The following RAB43 variants were observed in gnomAD, a reference collection of about 807,000 sequenced individuals.
RAB43 encodes the protein RAB43, member RAS oncogene family, also known as ras-related protein Rab-43.
RAB43 carries 6 observed loss-of-function variants against 18.8 expected under a neutral mutation model. The observed-to-expected ratio is 0.32, with a 90% CI of 0.17 to 0.63. RAB43 has a LOEUF of 0.63. Ranked by LOEUF, RAB43 falls within the 30% of genes least tolerant of loss-of-function variation. The pLI is 0.79. For missense variants in RAB43, 195 were observed against 289.1 expected, an observed-to-expected ratio of 0.67 and a Z score of 2.36; for synonymous variants, 103 against 124.1, an observed-to-expected ratio of 0.83 and a Z score of 1.13.
chr3:129,098,926 A>AC (rs1934233917), intron 1 of RAB43, among the ~76,000 whole-genome samples: 3 of 151,964 alleles, frequency 2.0e-5, no homozygotes, highest in African/African-American at 7.2e-5. Flanking sequence ...TACAAAAATT[A>AC]GCCAGGCATC....
intron 1 of RAB43, among the ~76,000 whole-genome samples, chr3:129,100,290 T>C (rs1934336552): frequency 6.6e-6 from 1 of 152,150 alleles, no homozygotes; most frequent in Non-Finnish European, 1.5e-5. Context: ...TTTTCCCTCA[T>C]AAGACAGGGT....
chr3:129,098,069 CAG>C (rs1934171451), intron 1 of RAB43, among the ~76,000 whole-genome samples: 1 of 152,144 alleles, frequency 6.6e-6, no homozygotes, highest in Non-Finnish European at 1.5e-5. Flanking sequence ...AGCTCTTGAC[CAG>C]AGAGTGCCCC....
chr3:129,110,437 C>T (rs1935084626), intron 1 of RAB43, among the ~76,000 whole-genome samples: 1 of 152,130 alleles, frequency 6.6e-6, no homozygotes, highest in Admixed American at 6.6e-5. Context: ...CGCTGAGTGC[C>T]TGAGGGTGGA....
intron 1 of RAB43, among the ~76,000 whole-genome samples, chr3:129,102,752 G>C (rs1431232586): frequency 6.6e-6 from 1 of 152,112 alleles, no homozygotes; most frequent in Non-Finnish European, 1.5e-5. Flanking sequence ...CAAAAGAGGA[G>C]GCGGAAGCCA....
Position 129,095,240 on chromosome 3 carries a change from C to T in RAB43, c.205-71G>A. 5 of 1,546,174 alleles carry T rather than the reference C, an allele frequency of 3.2e-6. No individual in the cohort carries two copies. Among genetic ancestry groups the T allele is most frequent in the Non-Finnish European group, 4.4e-6 (5 of 1,143,732 alleles). The stretch of plus-strand genomic sequence containing the variant: ...CATGGGGACAGGCAGAGTGACCCCA[C>T]AGACCCACACCCAGAGCTGTGGTTC... On this transcript the variant is annotated intron_variant, in intron 1 of 2. Coordinates refer to ENST00000315150, the MANE Select transcript of RAB43 (RefSeq NM_198490.3). This position sits in a 1 kb window ranked among gnomAD's most constrained non-coding sequence, Gnocchi z 4.2.
intron 1 of RAB43, among the ~76,000 whole-genome samples, chr3:129,109,728 A>G (rs966350383): frequency 6.6e-6 from 1 of 151,442 alleles, no homozygotes; most frequent in African/African-American, 2.4e-5. Context: ...GGCGACAGTG[A>G]GAGACTCCAT....
Position 129,095,646 on chromosome 3 carries a change from CA to C in RAB43, c.205-478del, listed in dbSNP as rs1278931482. ...GCATTAGGGTTCCCTCAGGACTCTACAGCTTGGTGATGAGGACTGTGGGAAG... is the reference window on the plus strand; with the variant it reads ...GCATTAGGGTTCCCTCAGGACTCTACGCTTGGTGATGAGGACTGTGGGAAG... On this transcript the variant is annotated intron_variant, in intron 1 of 2. Coordinates refer to ENST00000315150, the MANE Select transcript of RAB43 (RefSeq NM_198490.3). This position sits in a 1 kb window ranked among gnomAD's most constrained non-coding sequence, Gnocchi z 4.2. 6.6e-6 allele frequency among the ~76,000 whole-genome samples: 1 copy of C among 152,204 alleles called. No homozygotes were observed. Among genetic ancestry groups the C allele is most frequent in the African/African-American group, 2.4e-5 (1 of 41,466 alleles).
intron 1 of RAB43, among the ~76,000 whole-genome samples, chr3:129,098,607 T>G (rs1934205913): frequency 6.6e-6 from 1 of 152,130 alleles, no homozygotes; most frequent in Non-Finnish European, 1.5e-5. Context: ...TTGTATTTAG[T>G]AGGGAGACTT....
rs765394533 is a variant in RAB43, at chr3:129,091,234, G to A, written c.501C>T (p.Ser167=). The part of the protein sequence containing the change: ...CAIETSAKDS[S]NVEEAFLRVA... ...CCCTCAGGAAGGCCTCCTCCACGTT[G>A]CTCGAGTCCTTGGCAGACGTCTCAA... The change falls in exon 3 of 3, where the codon AGC becomes AGT. Residue 167 remains serine (S), a synonymous_variant. Coordinates refer to ENST00000315150, the MANE Select transcript of RAB43 (RefSeq NM_198490.3). 4 of 1,594,264 alleles carry A rather than the reference G, an allele frequency of 2.5e-6. No individual in the cohort carries two copies. The highest frequency in any genetic ancestry group is 3.4e-6 in the Non-Finnish European group (4 of 1,168,856).
intron 1 of RAB43, among the ~76,000 whole-genome samples, chr3:129,108,923 G>A (rs1934962274): frequency 6.6e-6 from 1 of 152,074 alleles, no homozygotes; most frequent in Non-Finnish European, 1.5e-5. Context: ...ACATCCCCTA[G>A]GACGCATTCT....
Position 129,121,632 on chromosome 3 carries a change from T to G in RAB43, c.-143A>C. The G allele has an allele frequency of 1.7e-6, 1 of 590,810 alleles. No homozygotes were observed. The highest frequency in any genetic ancestry group is 2.7e-6 in the Non-Finnish European group (1 of 372,810). The allele number at this position is 590,810 out of a possible 1,614,324, so 36.6% of individuals were successfully genotyped here. A position where few individuals can be genotyped will look rare whatever the true frequency, so the allele number is the denominator to read the frequency against. On this transcript the variant is annotated 5_prime_UTR_variant, in exon 1 of 3. Transcript: ENST00000315150. ...GCCGCAACACCTGAACCCCCAGCACTGCCGACCGCCTGCCTCGGCCTCGGC... is the reference window on the plus strand; with the variant it reads ...GCCGCAACACCTGAACCCCCAGCACGGCCGACCGCCTGCCTCGGCCTCGGC...
chr3:129,105,951 C>A (rs1371719223), intron 1 of RAB43, among the ~76,000 whole-genome samples: 1 of 152,182 alleles, frequency 6.6e-6, no homozygotes, highest in Non-Finnish European at 1.5e-5. Context: ...ACCATCAATA[C>A]TTGCACAGTG....
chr3:129,094,244 G>A (rs1933870484), intron 2 of RAB43, among the ~76,000 whole-genome samples: 1 of 152,188 alleles, frequency 6.6e-6, no homozygotes, highest in African/African-American at 2.4e-5. Context: ...AAGCCATCAA[G>A]TGTCCCTGCT....
At position 129,099,880 on chromosome 3, in the gene RAB43, G is replaced by T. The variant is rs562327370; in HGVS notation, c.205-4711C>A. 1.2e-4 allele frequency among the ~76,000 whole-genome samples: 18 copies of T among 152,280 alleles called. No individual in the cohort carries two copies. The South Asian group carries it at 3.5e-3, about 30-fold the overall frequency. ...AAAATGAATAAAATCGGAAGGATAT[G>T]TGAGATAATACCAAACTGTCTCATA... On this transcript the variant is annotated intron_variant, in intron 1 of 2. Transcript: ENST00000315150.
Position 129,111,012 on chromosome 3 carries a change from C to T in RAB43, c.204+10274G>A, listed in dbSNP as rs546342221. On this transcript the variant is annotated intron_variant, in intron 1 of 2. Coordinates refer to ENST00000315150, the MANE Select transcript of RAB43 (RefSeq NM_198490.3). ...GATGTATGCACTTGTACCACAAATGCACAGCAAACTGGCCCCAAGCCTATC... is the reference window on the plus strand; with the variant it reads ...GATGTATGCACTTGTACCACAAATGTACAGCAAACTGGCCCCAAGCCTATC... Among the ~76,000 whole-genome samples, 8 of 152,060 alleles carry T rather than the reference C, an allele frequency of 5.3e-5. No individual in the cohort carries two copies. In the South Asian group the frequency reaches 1.7e-3, roughly 32 times the overall value.
rs775944191 is a variant in RAB43 at position 129,095,024 on chromosome 3, C to T, written c.350G>A (p.Arg117Lys). The T allele has an allele frequency of 1.2e-6, 2 of 1,612,696 alleles. No homozygotes were observed. Among genetic ancestry groups the T allele is most frequent in the East Asian group, 2.2e-5 (1 of 44,866 alleles). The change falls in exon 2 of 3, where the codon AGG (arginine) becomes AAG (lysine). Residue 117 changes from arginine to lysine, a missense_variant. By Grantham distance (26) the Arg-to-Lys change is conservative. Coordinates refer to ENST00000315150, the MANE Select transcript of RAB43 (RefSeq NM_198490.3). This position sits in a 1 kb window ranked among gnomAD's most constrained non-coding sequence, Gnocchi z 4.2. The stretch of plus-strand genomic sequence containing the variant: ...CACAATGTTGGAGCCCGCATACTTC[C>T]TCACATCCTCAATCCAGTGAGGCAC... ...LSVPHWIEDV[R>K]KYAGSNIVQL...
At chr3:129,103,024 T>A (rs146965716) in intron 1 of RAB43, among the ~76,000 whole-genome samples, 1,737 of 152,332 alleles carry the variant, frequency 0.011, 22 homozygotes, top group Admixed American at 0.02. Flanking sequence ...CCCGGCCATC[T>A]CACTCGTCCT....
At position 129,095,271 on chromosome 3, in the gene RAB43, G is replaced by C. The variant is rs775864451; in HGVS notation, c.205-102C>G. The C allele has an allele frequency of 2.1e-6, 3 of 1,457,696 alleles. No homozygotes were observed. The highest frequency in any genetic ancestry group is 2.7e-6 in the Non-Finnish European group (3 of 1,095,066). The allele number at this position is 1,457,696 out of a possible 1,614,324, so 90.3% of individuals were successfully genotyped here. ...CACACCCAGAGCTGTGGTTCCACTG[G>C]GCTAGGAGGCCTTCTGAGTCCTTAG... On this transcript the variant is annotated intron_variant, in intron 1 of 2. Coordinates refer to ENST00000315150, the MANE Select transcript of RAB43 (RefSeq NM_198490.3). This position sits in a 1 kb window ranked among gnomAD's most constrained non-coding sequence, Gnocchi z 4.2.
intron 1 of RAB43, among the ~76,000 whole-genome samples, chr3:129,097,027 C>T (rs1041431255): frequency 2.0e-5 from 3 of 152,126 alleles, no homozygotes; most frequent in Admixed American, 6.6e-5. Flanking sequence ...GCAGGAGAAT[C>T]GCTTGAACCT....
Sources: allele counts gnomAD v4.1 joint callset (sites outside exome capture counted in the v4.1 genomes callset), GRCh38; gene constraint gnomAD v4.1.1; non-coding constraint Gnocchi (gnomAD v3.1); transcripts MANE v1.5; gene names NCBI Gene and HGNC (gene_info 2026-07-23, HGNC 2026-07-21).